The following TRIM66 variants were observed in gnomAD, a reference collection of about 807,000 sequenced individuals.
TRIM66 encodes the protein tripartite motif containing 66.
A neutral mutation model predicts 148.2 loss-of-function variants in TRIM66; 99 were observed. That is an observed-to-expected ratio of 0.67 (90% CI 0.57 to 0.79). TRIM66 has a LOEUF of 0.79. TRIM66 is among the 30% of genes least tolerant of loss of function. The pLI is 0.00. For synonymous variants in TRIM66, 616 were observed against 635.9 expected (o/e 0.97, Z 0.47); for missense variants, 1,666 against 1,697.9 (o/e 0.98, Z 0.33).
At position 8,675,927 on chromosome 11, in the gene TRIM66, C is replaced by T. The variant is rs1283397665; in HGVS notation, c.-189-1044G>A. ...CTAATTTTTGTATTTTTAGTAGAGA[C>T]GGGGTTTCACCATGTTGGCCAGGAT... On this transcript the variant is annotated intron_variant, in intron 3 of 24. Coordinates refer to ENST00000646038, the MANE Select transcript of TRIM66 (RefSeq NM_001388022.1). Among the ~76,000 whole-genome samples the T allele has an allele frequency of 6.6e-5, 10 of 152,120 alleles. No homozygotes were observed. In the East Asian group the frequency reaches 9.7e-4, roughly 15 times the overall value.
intron 12 of TRIM66, among the ~76,000 whole-genome samples, chr11:8,644,018 T>A (rs750737292): frequency 2.0e-5 from 3 of 152,196 alleles, no homozygotes; most frequent in Non-Finnish European, 2.9e-5. Flanking sequence ...TTAGTCACCA[T>A]ACCTAGACCC....
At chr11:8,682,830 T>G, upstream of TRIM66, 3 of 1,611,488 alleles carry the variant, frequency 1.9e-6, no homozygotes, top group South Asian at 2.2e-5. Context: ...GGTGTTTCGT[T>G]TCTTGCCTCC....
intron 16 of TRIM66, 47 bp from the exon 17 acceptor site, chr11:8,624,598 T>C (rs1177980902): frequency 2.0e-6 from 3 of 1,499,684 alleles, no homozygotes; most frequent in Non-Finnish European, 2.7e-6. Context: ...TCAGACATGG[T>C]TGTCATTAGT....
chr11:8,619,112 G>A, intron 23 of TRIM66, 144 bp from the exon 24 acceptor site: 1 of 821,308 alleles, frequency 1.2e-6, no homozygotes, highest in Non-Finnish European at 1.9e-6. Flanking sequence ...TAGGACTCAG[G>A]AAAACTAGTT....
chr11:8,664,971 T>C (rs1317628811), intron 6 of TRIM66, among the ~76,000 whole-genome samples: 2 of 152,098 alleles, frequency 1.3e-5, no homozygotes, highest in Non-Finnish European at 2.9e-5. Flanking sequence ...GCCCAGCAAG[T>C]AGGAGAAACA....
rs544250372 is a variant in TRIM66 at position 8,662,662 on chromosome 11, T to G, written c.340+9124A>C. Among the ~76,000 whole-genome samples the G allele has an allele frequency of 2.6e-5, 4 of 152,268 alleles. No homozygotes were observed. In the East Asian group the frequency reaches 7.7e-4, roughly 29 times the overall value. Reference sequence around the variant, plus strand: ...TCCTCAACTTTGAAAATGGGAAAAATAAGATACTAAACAAGTAGATTCTGA... The same window carrying G: ...TCCTCAACTTTGAAAATGGGAAAAAGAAGATACTAAACAAGTAGATTCTGA... On this transcript the variant is annotated intron_variant, in intron 6 of 24. Coordinates refer to ENST00000646038, the MANE Select transcript of TRIM66 (RefSeq NM_001388022.1).
At chr11:8,644,443 A>G (rs1458293884) in intron 12 of TRIM66, 20 of 448,072 alleles carry the variant, frequency 4.5e-5, no homozygotes, top group Non-Finnish European at 7.1e-5. Context: ...TTTCACAGAG[A>G]AAAAAAAGAC....
In TRIM66 at chr11:8,620,377, C is replaced by T. The variant is rs544756994; in HGVS notation, c.3672+69G>A. 117 of 1,541,712 alleles carry T rather than the reference C, an allele frequency of 7.6e-5. No homozygotes were observed. The African/African-American group carries it at 1.4e-3, about 19-fold the overall frequency. On this transcript the variant is annotated intron_variant, in intron 21 of 24. Coordinates refer to ENST00000646038, the MANE Select transcript of TRIM66 (RefSeq NM_001388022.1). ...AAAGCCCCTCATCCCCTCTCAAAGGCCTCAGACCCTGTAGGCAGAAGGGGG... is the reference window on the plus strand; with the variant it reads ...AAAGCCCCTCATCCCCTCTCAAAGGTCTCAGACCCTGTAGGCAGAAGGGGG...
chr11:8,672,621 T>C (rs1480741213), intron 4 of TRIM66, among the ~76,000 whole-genome samples: 1 of 9,302 alleles, frequency 1.1e-4, no homozygotes, highest in Non-Finnish European at 2.1e-4. Context: ...TCCAGTCTCT[T>C]TTTTTTTTTT....
chr11:8,659,820 C>A (rs2038122508), intron 6 of TRIM66, among the ~76,000 whole-genome samples: 1 of 152,212 alleles, frequency 6.6e-6, no homozygotes, highest in South Asian at 2.1e-4. Flanking sequence ...GTATCCAGTC[C>A]TGTCTCCTCC....
rs549287794 is a variant in TRIM66 at position 8,669,618 on chromosome 11, G to A, written c.340+2168C>T. 2.0e-5 allele frequency among the ~76,000 whole-genome samples: 3 copies of A among 151,066 alleles called. No homozygotes were observed. The South Asian group carries it at 6.3e-4, about 32-fold the overall frequency. ...AGATCGCACCACTGCACTCCAGCCT[G>A]GGCGACAGAGTGAGACCCTGTCTCA... On this transcript the variant is annotated intron_variant, in intron 6 of 24. Coordinates refer to ENST00000646038, the MANE Select transcript of TRIM66 (RefSeq NM_001388022.1).
intron 6 of TRIM66, among the ~76,000 whole-genome samples, chr11:8,658,580 C>A (rs564657897): frequency 6.6e-6 from 1 of 152,102 alleles, no homozygotes; most frequent in Non-Finnish European, 1.5e-5. Context: ...CCTGTTTATA[C>A]GTAGGAAGAA....
At position 8,624,819 on chromosome 11, in the gene TRIM66, G is replaced by C. The variant is rs1208021993; in HGVS notation, c.2720C>G (p.Ser907Cys). ...GGACCCAGTTTCTGGCTGCATGTCAGAAACTGGAGGGATGCTCTGCAGAGG... is the reference window on the plus strand; with the variant it reads ...GGACCCAGTTTCTGGCTGCATGTCACAAACTGGAGGGATGCTCTGCAGAGG... ...TCPLQSIPPV[S>C]DMQPETGSSS... Residue 907 changes from serine to cysteine, a missense_variant, in exon 16 of 25, where the codon TCT becomes TGT. This residue lies in a region of TRIM66 where 1,431 missense variants were observed against 1,412.4 expected (regional missense o/e 1.01). Transcript: ENST00000646038. The C allele has an allele frequency of 6.4e-7, 1 of 1,551,714 alleles. No homozygotes were observed. Among genetic ancestry groups the C allele is most frequent in the Non-Finnish European group, 8.7e-7 (1 of 1,146,974 alleles).
intron 6 of TRIM66, among the ~76,000 whole-genome samples, chr11:8,660,850 C>A (rs2038200566): frequency 6.6e-6 from 1 of 152,168 alleles, no homozygotes; most frequent in African/African-American, 2.4e-5. Flanking sequence ...GAAAGAACAT[C>A]ATAAATGGAG....
intron 15 of TRIM66, among the ~76,000 whole-genome samples, chr11:8,627,281 C>T (rs2034943066): frequency 6.6e-6 from 1 of 152,168 alleles, no homozygotes; most frequent in South Asian, 2.1e-4. Context: ...TAATACAGGA[C>T]TGTTTATTCT....
chr11:8,618,573 A>G (rs2033894053), intron 24 of TRIM66, 177 bp downstream of exon 24: 2 of 619,816 alleles, frequency 3.2e-6, no homozygotes, highest in Non-Finnish European at 5.6e-6. Context: ...AGTAACTGGC[A>G]TTGATGGGCC....
chr11:8,677,110 G>A (rs2039212658), intron 3 of TRIM66, among the ~76,000 whole-genome samples: 1 of 152,066 alleles, frequency 6.6e-6, no homozygotes, highest in South Asian at 2.1e-4. Context: ...ATCACATTGG[G>A]AATAAGAATT....
intron 4 of TRIM66, 48 bp downstream of exon 4, chr11:8,674,758 C>T (rs1047241736): frequency 2.0e-5 from 3 of 152,116 alleles, no homozygotes; most frequent in African/African-American, 7.2e-5. Context: ...TCATATGTGC[C>T]AAACCCTTTA....
chr11:8,622,365 C>CATATATATATATATATAT (rs1217954064), intron 18 of TRIM66, among the ~76,000 whole-genome samples: 6 of 59,540 alleles, frequency 1.0e-4, no homozygotes, highest in East Asian at 3.5e-4. Context: ...CACACACACA[C>CATATATATATATATATAT]ATATATATAT....
Sources: allele counts gnomAD v4.1 joint callset (sites outside exome capture counted in the v4.1 genomes callset), GRCh38; gene constraint gnomAD v4.1.1; regional missense constraint gnomAD v4.1.1; transcripts MANE v1.5; gene names NCBI Gene and HGNC (gene_info 2026-07-23, HGNC 2026-07-21).